KHDRBS2: variants seen among roughly 807,000 people sequenced by gnomAD.
The protein encoded by KHDRBS2 is KH RNA binding domain containing, signal transduction associated 2, also known as KH domain-containing, RNA-binding, signal transduction-associated protein 2.
Under a neutral mutation model 44.3 loss-of-function variants are expected in KHDRBS2, and 26 were observed. The ratio of observed to expected loss-of-function variants is 0.59; its 90% CI spans 0.43 to 0.81. The LOEUF (loss-of-function observed/expected upper bound fraction) is 0.81. Among genes scored for constraint, KHDRBS2 ranks in the 40% least tolerant of loss-of-function variants. The pLI is 0.00. For synonymous variants in KHDRBS2, 194 were observed against 151.1 expected, an observed-to-expected ratio of 1.28 and a Z score of -2.08; for missense variants, 476 against 433.1, an observed-to-expected ratio of 1.10 and a Z score of -0.88.
At chr6:61,687,264 C>T (rs1766921080) in intron 8 of KHDRBS2, among the ~76,000 whole-genome samples, 1 of 151,724 alleles carries the variant, frequency 6.6e-6, no homozygotes, top group Admixed American at 6.6e-5. Context: ...CAATCAGCTT[C>T]TGGGAAGCAT....
intron 1 of KHDRBS2, among the ~76,000 whole-genome samples, chr6:62,242,083 G>T (rs1834769543): frequency 6.6e-6 from 1 of 152,032 alleles, no homozygotes; most frequent in Admixed American, 6.6e-5. Context: ...CTTTGAAAAA[G>T]AAAAACAGGT....
At chr6:62,188,663 T>A (rs1351997242) in intron 1 of KHDRBS2, among the ~76,000 whole-genome samples, 3 of 152,100 alleles carry the variant, frequency 2.0e-5, no homozygotes, top group African/African-American at 7.2e-5. Flanking sequence ...GTGCAAGACA[T>A]CTCAGGCTGG....
chr6:61,667,963 A>G, the KHDRBS2 span, among the ~76,000 whole-genome samples: 1 of 151,278 alleles, frequency 6.6e-6, no homozygotes, highest in South Asian at 2.1e-4. Flanking sequence ...GGAATCAAAT[A>G]AACTCATCAC....
chr6:61,738,067 C>T (rs1254014277), intron 6 of KHDRBS2, among the ~76,000 whole-genome samples: 1 of 151,840 alleles, frequency 6.6e-6, no homozygotes, highest in East Asian at 1.9e-4. Context: ...TGAAATGATA[C>T]TTTTTCCGTT....
chr6:62,031,447 G>T (rs1447049269), intron 3 of KHDRBS2, among the ~76,000 whole-genome samples: 1 of 152,048 alleles, frequency 6.6e-6, no homozygotes, highest in Non-Finnish European at 1.5e-5. Context: ...GAATTCCTGA[G>T]ATCCCCAATT....
chr6:61,671,019 A>G, the KHDRBS2 span, among the ~76,000 whole-genome samples: 9 of 151,662 alleles, frequency 5.9e-5, no homozygotes, highest in African/African-American at 1.4e-4. Context: ...ATGACACAAG[A>G]CACTGAGAAG....
chr6:61,697,818 ACT>A (rs1375183576), intron 7 of KHDRBS2, among the ~76,000 whole-genome samples: 4 of 151,692 alleles, frequency 2.6e-5, no homozygotes, highest in Non-Finnish European at 4.4e-5. Context: ...CTCAAAGGAA[ACT>A]CTCTCTCTGA....
chr6:61,944,003 A>T (rs1210664736), intron 4 of KHDRBS2, among the ~76,000 whole-genome samples: 1 of 152,150 alleles, frequency 6.6e-6, no homozygotes, highest in African/African-American at 2.4e-5. Context: ...AAGACAAAAA[A>T]CAAACAAACC....
At chr6:62,109,235 A>G (rs534928616) in intron 2 of KHDRBS2, among the ~76,000 whole-genome samples, 3 of 152,120 alleles carry the variant, frequency 2.0e-5, no homozygotes, top group Non-Finnish European at 4.4e-5. Flanking sequence ...AAGAGAAACC[A>G]TATGAACATT....
Position 62,090,751 on chromosome 6 carries a change from C to T in KHDRBS2, c.220-42757G>A, listed in dbSNP as rs16869656. ...TGAAGTATATATGACAAATGTTACCCTTCATTTAAGTGTAATTTTTTTCCA... is the reference window on the plus strand; with the variant it reads ...TGAAGTATATATGACAAATGTTACCTTTCATTTAAGTGTAATTTTTTTCCA... On this transcript the variant is annotated intron_variant, in intron 2 of 8. Coordinates refer to ENST00000281156, the MANE Select transcript of KHDRBS2 (RefSeq NM_152688.4). Among the ~76,000 whole-genome samples the T allele has an allele frequency of 8.2e-3, 1,241 of 152,034 alleles. 16 individuals are homozygous for T. Among genetic ancestry groups the T allele is most frequent in the African/African-American group, 0.029 (1,201 of 41,450 alleles).
chr6:62,235,775 A>G (rs1833609791), intron 1 of KHDRBS2, among the ~76,000 whole-genome samples: 1 of 152,108 alleles, frequency 6.6e-6, no homozygotes, highest in South Asian at 2.1e-4. Flanking sequence ...CAAAATAAAC[A>G]ATATATCACA....
chr6:61,585,207 G>GA, the KHDRBS2 span, among the ~76,000 whole-genome samples: 2 of 151,298 alleles, frequency 1.3e-5, no homozygotes, highest in Non-Finnish European at 3.0e-5. Flanking sequence ...ATGAAAGAGT[G>GA]ATAAAAAAAA....
chr6:62,074,671 G>A (rs1795977216), intron 2 of KHDRBS2, among the ~76,000 whole-genome samples: 1 of 151,766 alleles, frequency 6.6e-6, no homozygotes, highest in South Asian at 2.1e-4. Flanking sequence ...ATGTTATCAT[G>A]GCTAAACATG....
intron 1 of KHDRBS2, among the ~76,000 whole-genome samples, chr6:62,244,686 T>C (rs1342235380): frequency 6.6e-6 from 1 of 152,148 alleles, no homozygotes; most frequent in East Asian, 1.9e-4. Flanking sequence ...GGCTTATAAA[T>C]AGAAATAGAT....
intron 3 of KHDRBS2, among the ~76,000 whole-genome samples, chr6:62,018,513 A>G (rs1246820539): frequency 6.6e-6 from 1 of 151,776 alleles, no homozygotes; most frequent in African/African-American, 2.4e-5. Context: ...ACGCCCGGCT[A>G]ATTTTTGTAT....
At chr6:61,693,217 C>T (rs1767557456) in intron 8 of KHDRBS2, among the ~76,000 whole-genome samples, 1 of 152,048 alleles carries the variant, frequency 6.6e-6, no homozygotes, top group African/African-American at 2.4e-5. Flanking sequence ...CACTGCTCAT[C>T]ATCTGTATTT....
intron 2 of KHDRBS2, among the ~76,000 whole-genome samples, chr6:62,059,980 C>G (rs922466161): frequency 1.3e-5 from 2 of 151,706 alleles, no homozygotes; most frequent in African/African-American, 2.4e-5. Context: ...TAGAATTCTA[C>G]AGGAATGTAT....
In KHDRBS2 at chr6:61,719,732, G is replaced by A. The variant is rs564567680; in HGVS notation, c.893+12950C>T. Reference sequence around the variant, plus strand: ...ATTGTCATCTTTACCAGTCATTAATGTCATTCAGTTAAGCTGCCTCCTATG... The same window carrying A: ...ATTGTCATCTTTACCAGTCATTAATATCATTCAGTTAAGCTGCCTCCTATG... On this transcript the variant is annotated intron_variant, in intron 7 of 8. Coordinates refer to ENST00000281156, the MANE Select transcript of KHDRBS2 (RefSeq NM_152688.4). 2.0e-5 allele frequency among the ~76,000 whole-genome samples: 3 copies of A among 152,010 alleles called. No individual in the cohort carries two copies. In the South Asian group the frequency reaches 6.2e-4, roughly 32 times the overall value.
At chr6:61,630,321 C>T in the KHDRBS2 span, 3 of 151,868 alleles carry the variant, frequency 2.0e-5, no homozygotes, top group Non-Finnish European at 2.9e-5. Context: ...AAGTTGACCT[C>T]GGGAGTGAGC....
Sources: gnomAD v4.1 joint callset for allele counts (sites outside exome capture counted in the v4.1 genomes callset) on GRCh38, gnomAD v4.1.1 for gene constraint, MANE v1.5 for transcripts, NCBI Gene and HGNC (gene_info 2026-07-23, HGNC 2026-07-21) for gene names.